MAST4: variants seen among roughly 807,000 people sequenced by gnomAD.
MAST4 encodes the protein microtubule associated serine/threonine kinase family member 4.
A neutral mutation model predicts 162.7 loss-of-function variants in MAST4; 89 were observed. The ratio of observed to expected loss-of-function variants is 0.55; its 90% CI spans 0.46 to 0.65. MAST4 has a LOEUF of 0.65. Among genes scored for constraint, MAST4 ranks in the 30% least tolerant of loss-of-function variants. The pLI, the probability that MAST4 is intolerant of heterozygous loss-of-function variation, is 0.00. For missense variants in MAST4, 3,153 were observed against 3,374.0 expected, an observed-to-expected ratio of 0.93 and a Z score of 1.62; for synonymous variants, 1,479 against 1,361.1, an observed-to-expected ratio of 1.09 and a Z score of -1.91.
intron 4 of MAST4, among the ~76,000 whole-genome samples, chr5:67,051,668 G>A (rs998232266): frequency 3.3e-5 from 5 of 152,148 alleles, no homozygotes; most frequent in East Asian, 1.9e-4. Context: ...TCTCAGTAGG[G>A]TCCTAGGATT....
At chr5:66,781,647 C>A (rs1754875320) in intron 2 of MAST4, among the ~76,000 whole-genome samples, 1 of 152,144 alleles carries the variant, frequency 6.6e-6, no homozygotes, top group Non-Finnish European at 1.5e-5. Flanking sequence ...CACATTTTTT[C>A]AGAGTTCTCC....
chr5:67,104,416 T>C lies in MAST4; in HGVS notation c.1197T>C (p.Ser399=), dbSNP rs758334979. 1.9e-6 allele frequency: 3 copies of C among 1,613,910 alleles called. No homozygotes were observed. The highest frequency in any genetic ancestry group is 2.5e-6 in the Non-Finnish European group (3 of 1,179,838). The change falls in exon 10 of 29, where the codon TCT becomes TCC. Residue 399 remains serine, a synonymous_variant. Coordinates refer to ENST00000403625, the MANE Select transcript of MAST4 (RefSeq NM_001164664.2). ...ERLKEIITSY[S]PDNVLPLADG... Reference sequence around the variant, plus strand: ...TAAAGGAAATTATCACCAGCTACTCTCCTGACAACGTTCTACCCTTAGCAG... The same window carrying C: ...TAAAGGAAATTATCACCAGCTACTCCCCTGACAACGTTCTACCCTTAGCAG...
intron 10 of MAST4, among the ~76,000 whole-genome samples, chr5:67,107,031 A>C (rs1318995323): frequency 6.6e-6 from 1 of 152,224 alleles, no homozygotes; most frequent in East Asian, 1.9e-4. Flanking sequence ...ATTTATGAGA[A>C]TATTTTGAAA....
At chr5:67,021,562 G>A (rs1407842696) in intron 4 of MAST4, among the ~76,000 whole-genome samples, 4 of 152,168 alleles carry the variant, frequency 2.6e-5, no homozygotes, top group African/African-American at 9.7e-5. Context: ...GAACAAAAAA[G>A]TTCTCAAAGG....
At chr5:66,614,381 C>G (rs1208437774) in intron 1 of MAST4, among the ~76,000 whole-genome samples, 1 of 152,198 alleles carries the variant, frequency 6.6e-6, no homozygotes, top group Non-Finnish European at 1.5e-5. Context: ...AAATATTCAT[C>G]TTCTCTACCT....
intron 4 of MAST4, among the ~76,000 whole-genome samples, chr5:67,014,247 A>G (rs958542770): frequency 6.6e-6 from 1 of 152,222 alleles, no homozygotes. Flanking sequence ...AAGGGCAGGC[A>G]TGTGGCAAAA....
intron 4 of MAST4, among the ~76,000 whole-genome samples, chr5:67,017,110 C>T (rs377647404): frequency 1.3e-5 from 2 of 152,070 alleles, no homozygotes; most frequent in Middle Eastern, 3.4e-3. Flanking sequence ...GTTTAGAGAA[C>T]GAAAAAGTAA....
intron 1 of MAST4, among the ~76,000 whole-genome samples, chr5:66,747,275 G>A (rs924812725): frequency 6.6e-6 from 1 of 152,156 alleles, no homozygotes; most frequent in Non-Finnish European, 1.5e-5. Flanking sequence ...TAGTGCTACA[G>A]CTCTGTTTAT....
intron 9 of MAST4, among the ~76,000 whole-genome samples, chr5:67,103,944 AAGGG>A (rs1366556548): frequency 6.6e-6 from 1 of 152,196 alleles, no homozygotes; most frequent in African/African-American, 2.4e-5. Context: ...GAACACAGAA[AAGGG>A]AGATTATCAT....
At chr5:66,847,370 C>T (rs567451919) in intron 3 of MAST4, among the ~76,000 whole-genome samples, 17 of 152,278 alleles carry the variant, frequency 1.1e-4, no homozygotes, top group Non-Finnish European at 2.2e-4. Flanking sequence ...TGGTGGCTCA[C>T]GTCTGTAATC....
At chr5:66,887,983 C>T (rs531902294) in intron 3 of MAST4, among the ~76,000 whole-genome samples, 3 of 151,708 alleles carry the variant, frequency 2.0e-5, no homozygotes, top group Non-Finnish European at 2.9e-5. Context: ...CCGAGGCGGG[C>T]AGATCACAAG....
chr5:66,771,365 T>G (rs1456950159), intron 2 of MAST4, among the ~76,000 whole-genome samples: 3 of 152,060 alleles, frequency 2.0e-5, no homozygotes, highest in Non-Finnish European at 4.4e-5. Context: ...TTTTTGTATT[T>G]TTGGTAGACA....
chr5:66,642,921 T>C (rs562856316), intron 1 of MAST4, among the ~76,000 whole-genome samples: 1 of 152,310 alleles, frequency 6.6e-6, no homozygotes, highest in East Asian at 1.9e-4. Flanking sequence ...TTATTTCTTA[T>C]ATAGCTGGAA....
intron 1 of MAST4, among the ~76,000 whole-genome samples, chr5:66,747,177 C>T (rs913921108): frequency 6.6e-6 from 1 of 151,518 alleles, no homozygotes; most frequent in Non-Finnish European, 1.5e-5. Flanking sequence ...TTGAAGTTGA[C>T]AGTCACGAGA....
chr5:67,019,567 A>G (rs967123701), intron 4 of MAST4, among the ~76,000 whole-genome samples: 5 of 152,244 alleles, frequency 3.3e-5, no homozygotes, highest in African/African-American at 9.6e-5. Context: ...CCATAGGGGA[A>G]CAATGAATCC....
chr5:67,122,262 A>G (rs1767682793), intron 14 of MAST4, among the ~76,000 whole-genome samples: 1 of 152,202 alleles, frequency 6.6e-6, no homozygotes, highest in Non-Finnish European at 1.5e-5. Flanking sequence ...GAGCAGATGA[A>G]ACAAAAGAAG....
chr5:66,994,120 G>A (rs1457108812), intron 4 of MAST4, among the ~76,000 whole-genome samples: 1 of 152,088 alleles, frequency 6.6e-6, no homozygotes, highest in African/African-American at 2.4e-5. Context: ...CACATTGACA[G>A]TGAGGAGCAC....
chr5:67,031,075 T>C (rs1328577001), intron 4 of MAST4, among the ~76,000 whole-genome samples: 6 of 152,186 alleles, frequency 3.9e-5, no homozygotes, highest in African/African-American at 1.2e-4. Context: ...ATTTTTTTCC[T>C]ATGTGAAAAA....
chr5:67,019,924 A>C (rs938283709), intron 4 of MAST4, among the ~76,000 whole-genome samples: 1 of 152,208 alleles, frequency 6.6e-6, no homozygotes, highest in African/African-American at 2.4e-5. Flanking sequence ...TAGGTAACAA[A>C]ATTTCAAGCT....
Sources: allele counts gnomAD v4.1 joint callset (sites outside exome capture counted in the v4.1 genomes callset), GRCh38; gene constraint gnomAD v4.1.1; transcripts MANE v1.5; gene names NCBI Gene and HGNC (gene_info 2026-07-23, HGNC 2026-07-21).